The following SNTG2 variants were observed in gnomAD, a reference collection of about 807,000 sequenced individuals.
SNTG2 encodes gamma-2-syntrophin.
A neutral mutation model predicts 70.9 loss-of-function variants in SNTG2; 74 were observed. The ratio of observed to expected loss-of-function variants is 1.04; its 90% confidence interval spans 0.86 to 1.27. The LOEUF is 1.27. SNTG2 is among the 50% of genes most tolerant of loss of function. The pLI, the probability that SNTG2 is intolerant of heterozygous loss-of-function variation, is 0.00. For missense variants in SNTG2, 717 were observed against 690.7 expected, an observed-to-expected ratio of 1.04 and a Z score of -0.43; for synonymous variants, 278 against 273.8, an observed-to-expected ratio of 1.02 and a Z score of -0.15.
At chr2:982,873 C>T (rs1661155911) in intron 1 of SNTG2, among the ~76,000 whole-genome samples, 2 of 152,062 alleles carry the variant, frequency 1.3e-5, no homozygotes, top group Admixed American at 6.5e-5. Flanking sequence ...AACTGTGAGA[C>T]ACTAAAACCC....
intron 16 of SNTG2, among the ~76,000 whole-genome samples, chr2:1,324,292 A>G (rs929015258): frequency 1.3e-5 from 2 of 152,210 alleles, no homozygotes; most frequent in African/African-American, 4.8e-5. Context: ...TCTGATTTTC[A>G]TAGCTGCTGT....
intron 16 of SNTG2, among the ~76,000 whole-genome samples, chr2:1,321,171 G>A (rs1681503210): frequency 6.6e-6 from 1 of 152,164 alleles, no homozygotes; most frequent in Admixed American, 6.5e-5. Context: ...CAGTTCTAAA[G>A]AGAAAATTGT....
chr2:1,168,105 G>A lies in SNTG2; in HGVS notation c.499+2470G>A, dbSNP rs1250283041. Among the ~76,000 whole-genome samples the A allele has an allele frequency of 1.4e-5, 2 of 140,744 alleles. 1 individual carries two copies. Among genetic ancestry groups the A allele is most frequent in the African/African-American group, 5.7e-5 (2 of 34,946 alleles). The allele number at this position is 140,744 out of a possible 152,430, so 92.3% of individuals were successfully genotyped here. On this transcript the variant is annotated intron_variant, in intron 7 of 16. Transcript: ENST00000308624. ...ACCTACAGGCCGCCCACAGACGGCA[G>A]TACTGAAGCCTACAGGCCGCCCACA...
At chr2:1,288,420 A>ATG in intron 14 of SNTG2, among the ~76,000 whole-genome samples, 1 of 152,194 alleles carries the variant, frequency 6.6e-6, no homozygotes, top group Admixed American at 6.5e-5. Context: ...TAACTAAGTT[A>ATG]ATGGTGCTCA....
intron 1 of SNTG2, among the ~76,000 whole-genome samples, chr2:1,023,907 C>T (rs996752598): frequency 1.3e-5 from 2 of 152,162 alleles, no homozygotes; most frequent in African/African-American, 2.4e-5. Context: ...AAGCTTTCCA[C>T]GGATGAGCAA....
At chr2:1,138,703 G>A (rs934533690) in intron 6 of SNTG2, among the ~76,000 whole-genome samples, 1 of 152,144 alleles carries the variant, frequency 6.6e-6, no homozygotes, top group Non-Finnish European at 1.5e-5. Flanking sequence ...CCTCACGGGA[G>A]TTTAATTCTG....
chr2:1,083,783 T>G, intron 2 of SNTG2, 128 bp downstream of exon 2: 1 of 1,036,498 alleles, frequency 9.6e-7, no homozygotes, highest in Non-Finnish European at 1.4e-6. Flanking sequence ...TATCCCCAAC[T>G]ACTGGCTTTC....
chr2:1,191,416 A>G (rs1672585755), intron 8 of SNTG2, among the ~76,000 whole-genome samples: 1 of 152,188 alleles, frequency 6.6e-6, no homozygotes, highest in Non-Finnish European at 1.5e-5. Flanking sequence ...CACAGAATTC[A>G]GGATATTGGT....
At chr2:1,032,842 T>C (rs1346312960) in intron 1 of SNTG2, among the ~76,000 whole-genome samples, 1 of 152,090 alleles carries the variant, frequency 6.6e-6, no homozygotes, top group East Asian at 1.9e-4. Flanking sequence ...TGTGTCACTA[T>C]AAAGAAATAG....
At chr2:1,124,118 T>C (rs1667549020) in intron 4 of SNTG2, among the ~76,000 whole-genome samples, 2 of 127,144 alleles carry the variant, frequency 1.6e-5, no homozygotes, top group South Asian at 2.9e-4. Flanking sequence ...AAGAAAATTA[T>C]CTTGTTTTCA....
At chr2:1,267,302 G>T in intron 13 of SNTG2, 63 bp from the exon 14 acceptor site, 1 of 1,458,396 alleles carries the variant, frequency 6.9e-7, no homozygotes, top group Non-Finnish European at 9.4e-7. Flanking sequence ...CCCACACCAG[G>T]GCCCTCAGCA....
At chr2:1,314,580 C>A (rs1160129718) in intron 15 of SNTG2, among the ~76,000 whole-genome samples, 2 of 152,220 alleles carry the variant, frequency 1.3e-5, no homozygotes, top group Middle Eastern at 3.2e-3. Flanking sequence ...GCTTCTGGGG[C>A]TTGCCTCAGT....
chr2:1,255,641 G>A (rs541670449), intron 12 of SNTG2, among the ~76,000 whole-genome samples: 43 of 151,772 alleles, frequency 2.8e-4, no homozygotes, highest in Admixed American at 1.1e-3. Flanking sequence ...GGCAGGTGAC[G>A]CCTGGCCACA....
rs570299342 is a variant in SNTG2 at position 1,323,317 on chromosome 2, C to T, written c.1488+6942C>T. Among the ~76,000 whole-genome samples the T allele has an allele frequency of 4.2e-4, 64 of 152,338 alleles. No individual in the cohort carries two copies. In the South Asian group the frequency reaches 8.3e-3, roughly 20 times the overall value. On this transcript the variant is annotated intron_variant, in intron 16 of 16. Coordinates refer to ENST00000308624, the MANE Select transcript of SNTG2 (RefSeq NM_018968.4). ...AGCAGAAGTGAAGCCCTGACCACAG[C>T]TGTTTCATCATGAAAGTGGGTGGAA...
intron 1 of SNTG2, among the ~76,000 whole-genome samples, chr2:1,078,467 G>A (rs1230446327): frequency 6.6e-6 from 1 of 152,138 alleles, no homozygotes; most frequent in Admixed American, 6.5e-5. Context: ...CAGACCCCAG[G>A]CAGGTATGGC....
chr2:1,200,924 T>C (rs536547965), intron 8 of SNTG2, among the ~76,000 whole-genome samples: 17 of 151,988 alleles, frequency 1.1e-4, no homozygotes, highest in Admixed American at 7.2e-4. Flanking sequence ...GAGGAGAAAA[T>C]AGAAGTCTTA....
intron 2 of SNTG2, among the ~76,000 whole-genome samples, chr2:1,089,315 C>A (rs1301014124): frequency 2.0e-5 from 3 of 152,100 alleles, no homozygotes; most frequent in African/African-American, 7.2e-5. Context: ...ATATGAAAAC[C>A]TTAAAATAAT....
At chr2:1,073,245 A>T (rs1185379691) in intron 1 of SNTG2, among the ~76,000 whole-genome samples, 1 of 152,208 alleles carries the variant, frequency 6.6e-6, no homozygotes, top group Non-Finnish European at 1.5e-5. Context: ...GCTACAGAGA[A>T]ATCTTTCATG....
intron 8 of SNTG2, among the ~76,000 whole-genome samples, chr2:1,205,608 G>A (rs1362299928): frequency 3.3e-5 from 5 of 152,164 alleles, no homozygotes; most frequent in Non-Finnish European, 5.9e-5. Context: ...CCTGCCCAGT[G>A]ACCTGATGCC....
Sources: allele counts gnomAD v4.1 joint callset (sites outside exome capture counted in the v4.1 genomes callset), GRCh38; gene constraint gnomAD v4.1.1; transcripts MANE v1.5; gene names NCBI Gene and HGNC (gene_info 2026-07-23, HGNC 2026-07-21).